Variants in RBSN observed in about 807,000 individuals in gnomAD.
RBSN encodes the protein rabenosyn-5.
Under a neutral mutation model 60.5 loss-of-function variants are expected in RBSN, and 34 were observed. The observed-to-expected ratio is 0.56, with a 90% CI of 0.43 to 0.75. The LOEUF (loss-of-function observed/expected upper bound fraction) is 0.75. Ranked by LOEUF, RBSN falls within the 30% of genes least tolerant of loss-of-function variation. The pLI is 0.00. For synonymous variants in RBSN, 322 were observed against 366.9 expected (o/e 0.88, Z 1.40); for missense variants, 845 against 986.8 (o/e 0.86, Z 1.92).
At chr3:15,079,421 AT>A (rs78482483) in intron 10 of RBSN, among the ~76,000 whole-genome samples, 8,049 of 152,332 alleles carry the variant, frequency 0.053, 253 homozygotes, top group East Asian at 0.13. Flanking sequence ...AAACCCAGCA[AT>A]TCCACTCCTA....
At chr3:15,078,439 C>T (rs1213686067) in intron 10 of RBSN, among the ~76,000 whole-genome samples, 1 of 152,160 alleles carries the variant, frequency 6.6e-6, no homozygotes, top group Non-Finnish European at 1.5e-5. Flanking sequence ...GCTGAATTTA[C>T]TCTGGCCTAC....
At chr3:15,088,906 C>T (rs2043417951) in intron 5 of RBSN, among the ~76,000 whole-genome samples, 1 of 152,076 alleles carries the variant, frequency 6.6e-6, no homozygotes, top group African/African-American at 2.4e-5. Context: ...TTTCCTTATT[C>T]AAAGAGACAC....
chr3:15,076,646 T>G (rs2043063020), intron 12 of RBSN, among the ~76,000 whole-genome samples: 1 of 152,172 alleles, frequency 6.6e-6, no homozygotes, highest in Middle Eastern at 3.2e-3. Flanking sequence ...GAAGAGTCTC[T>G]TAGGAGATTA....
rs2043277963 is a variant in RBSN at position 15,084,124 on chromosome 3, A to T, written c.598+611T>A. On this transcript the variant is annotated intron_variant, in intron 8 of 13. Coordinates refer to ENST00000253699, the MANE Select transcript of RBSN (RefSeq NM_022340.4). The surrounding 1 kb of genome is among the most constrained non-coding windows in gnomAD (Gnocchi z 4.2). Reference sequence around the variant, plus strand: ...TTCACATTGCTATTTTATTTTATTTATTTATTTTTTTGAGATGGGAGTCTC... The same window carrying T: ...TTCACATTGCTATTTTATTTTATTTTTTTATTTTTTTGAGATGGGAGTCTC... 6.6e-6 allele frequency among the ~76,000 whole-genome samples: 1 copy of T among 151,894 alleles called. No individual in the cohort carries two copies. The highest frequency in any genetic ancestry group is 1.5e-5 in the Non-Finnish European group (1 of 67,978).
chr3:15,081,821 T>C (rs1217727091), intron 9 of RBSN, among the ~76,000 whole-genome samples: 1 of 152,192 alleles, frequency 6.6e-6, no homozygotes, highest in Non-Finnish European at 1.5e-5. Context: ...CACTCCCAGA[T>C]ATTCTTTGCA....
intron 8 of RBSN, among the ~76,000 whole-genome samples, chr3:15,083,869 C>G (rs140561249): frequency 6.6e-6 from 1 of 152,132 alleles, no homozygotes; most frequent in African/African-American, 2.4e-5. Flanking sequence ...GCAGAGCAGA[C>G]AAAGAGTTGG....
Position 15,077,444 on chromosome 3 carries a change from A to G in RBSN, c.999-280T>C, listed in dbSNP as rs192535243. On this transcript the variant is annotated intron_variant, in intron 11 of 13. Coordinates refer to ENST00000253699, the MANE Select transcript of RBSN (RefSeq NM_022340.4). This position sits in a 1 kb window ranked among gnomAD's most constrained non-coding sequence, Gnocchi z 4.4. ...ACCTATGCAACTGGAAAGGACTGGC[A>G]CTTAAAAGAGCCCTGTGCTTGGTTT... is the stretch of plus-strand genomic sequence containing the variant. Among the ~76,000 whole-genome samples the G allele has an allele frequency of 2.0e-5, 3 of 152,344 alleles. No homozygotes were observed. In the East Asian group the frequency reaches 5.8e-4, roughly 29 times the overall value.
At chr3:15,091,600 C>T in intron 4 of RBSN, 7 of 733,390 alleles carry the variant, frequency 9.5e-6, no homozygotes, top group Non-Finnish European at 1.3e-5. Flanking sequence ...CTTGCAAATA[C>T]ATTATGCCAG....
chr3:15,090,563 C>A lies in RBSN; in HGVS notation c.149-24G>T, dbSNP rs371549509. On this transcript the variant is annotated intron_variant, in intron 4 of 13. Coordinates refer to ENST00000253699, the MANE Select transcript of RBSN (RefSeq NM_022340.4). ...ACCTTGAAAAATGGAACAAATAATA[C>A]AAATGAGCCATGAAGAACACCCAGT... 18 of 1,610,606 alleles carry A rather than the reference C, an allele frequency of 1.1e-5. No homozygotes were observed. The African/African-American group carries it at 2.4e-4, about 22-fold the overall frequency.
chr3:15,074,921 C>T lies in RBSN; in HGVS notation c.1216G>A (p.Glu406Lys), dbSNP rs2043016211. The stretch of plus-strand genomic sequence containing the variant: ...CTTTCCTCAAGCCTTCGCTGGGACT[C>T]CAGGGCAGCCTGGGGAGAGAGCAAA... ...KRAVERQAAL[E>K]SQRRLEERQS... is the part of the protein sequence containing the mutation. The change falls in exon 14 of 14, where the codon GAG becomes AAG. Residue 406 changes from glutamate (E) to lysine (K), a missense_variant. Physicochemically the swap from Glu to Lys is moderately conservative, Grantham distance 56 (BLOSUM62 1). Coordinates refer to ENST00000253699, the MANE Select transcript of RBSN (RefSeq NM_022340.4). The surrounding 1 kb of genome is among the most constrained non-coding windows in gnomAD (Gnocchi z 6.4). 6.2e-7 allele frequency: 1 copy of T among 1,609,022 alleles called. No homozygotes were observed. The highest frequency in any genetic ancestry group is 1.7e-5 in the Admixed American group (1 of 59,802).
chr3:15,083,929 T>A (rs1327156825), intron 8 of RBSN, among the ~76,000 whole-genome samples: 1 of 152,104 alleles, frequency 6.6e-6, no homozygotes, highest in African/African-American at 2.4e-5. Flanking sequence ...CATCTCTCTT[T>A]AGAAAGCAAT....
chr3:15,086,337 C>G (rs772196499), intron 5 of RBSN, among the ~76,000 whole-genome samples: 5 of 152,044 alleles, frequency 3.3e-5, no homozygotes, highest in Non-Finnish European at 7.4e-5. Flanking sequence ...ATTCAAAAAC[C>G]AGGAAAGCAA....
intron 13 of RBSN, 98 bp downstream of exon 13, chr3:15,075,508 T>C (rs2043030906): frequency 1.1e-6 from 1 of 933,346 alleles, no homozygotes. Flanking sequence ...AGAGAGGTTC[T>C]GATTCACTAC....
chr3:15,080,495 C>T (rs1465484807), intron 10 of RBSN, among the ~76,000 whole-genome samples: 1 of 152,144 alleles, frequency 6.6e-6, no homozygotes, highest in East Asian at 1.9e-4. Flanking sequence ...CCAAGGTCAA[C>T]TGAATGTGGC....
Position 15,075,686 on chromosome 3 carries a change from G to A in RBSN, c.1126C>T (p.Leu376=), listed in dbSNP as rs769968030. ...VQEKLLGLMS[L]PTKEQFEELK... is the part of the protein sequence containing the mutation. ...TCCTCAAACTGTTCTTTGGTTGGCA[G>A]TGACATCAAACCAAGCAACTTTTCC... The change falls in exon 13 of 14, where the codon CTG becomes TTG. Residue 376 remains leucine, a synonymous_variant. Transcript: ENST00000253699. The A allele has an allele frequency of 1.2e-6, 2 of 1,614,140 alleles. No homozygotes were observed. The highest frequency in any genetic ancestry group is 8.5e-7 in the Non-Finnish European group (1 of 1,180,038).
Position 15,077,082 on chromosome 3 carries a change from A to G in RBSN, c.1081T>C (p.Ser361Pro). Residue 361 changes from serine (S) to proline (P), a missense_variant, in exon 12 of 14, where the codon TCA becomes CCA. Coordinates refer to ENST00000253699, the MANE Select transcript of RBSN (RefSeq NM_022340.4). The surrounding 1 kb of genome is among the most constrained non-coding windows in gnomAD (Gnocchi z 4.4). The stretch of plus-strand genomic sequence containing the variant: ...TTTACCTGCACAAAAAGTGTAGCTG[A>G]GTATCTGATCATTCTCTGCAGCCGC... ...NLRLQRMIRYSATLFVQEKLL... is the reference protein window; with the variant it reads ...NLRLQRMIRYPATLFVQEKLL... The G allele has an allele frequency of 6.2e-7, 1 of 1,614,140 alleles. No individual in the cohort carries two copies. The highest frequency in any genetic ancestry group is 8.5e-7 in the Non-Finnish European group (1 of 1,179,992).
intron 10 of RBSN, among the ~76,000 whole-genome samples, chr3:15,080,148 G>A (rs1422098835): frequency 6.6e-6 from 1 of 151,978 alleles, no homozygotes; most frequent in Non-Finnish European, 1.5e-5. Flanking sequence ...GGGAGGCTGA[G>A]GCAGGAGAAT....
At position 15,096,066 on chromosome 3, in the gene RBSN, A is replaced by C; in HGVS notation, c.55T>G (p.Cys19Gly). Residue 19 changes from cysteine to glycine, a missense_variant, in exon 4 of 14, where the codon TGC becomes GGC. Coordinates refer to ENST00000253699, the MANE Select transcript of RBSN (RefSeq NM_022340.4). ...TAGAAAGACTGCAGATCCTTCAGGC[A>C]CAGAGGGCAGAGGAAGCCCTCCCTC... is the stretch of plus-strand genomic sequence containing the variant. The part of the protein sequence containing the change: ...EVREGFLCPL[C>G]LKDLQSFYQL... 1 of 1,613,322 alleles carries C rather than the reference A, an allele frequency of 6.2e-7. No homozygotes were observed. The highest frequency in any genetic ancestry group is 8.5e-7 in the Non-Finnish European group (1 of 1,179,490).
chr3:15,075,052 G>A lies in RBSN; in HGVS notation c.1207-122C>T, dbSNP rs539962522. 23 of 1,184,458 alleles carry A rather than the reference G, an allele frequency of 1.9e-5. No homozygotes were observed. The East Asian group carries it at 5.9e-4, about 30-fold the overall frequency. 73.4% of individuals were successfully genotyped at this position (1,184,458 alleles called of 1,614,324 possible). A position where few individuals can be genotyped will look rare whatever the true frequency, so the allele number is the denominator to read the frequency against. On this transcript the variant is annotated intron_variant, in intron 13 of 13. Coordinates refer to ENST00000253699, the MANE Select transcript of RBSN (RefSeq NM_022340.4). ...GTGACACTCCAATTTCTCACCTCAG[G>A]ACAAAGATATCCAACTGCTAAAATC...
Sources: gnomAD v4.1 joint callset for allele counts (sites outside exome capture counted in the v4.1 genomes callset) on GRCh38, gnomAD v4.1.1 for gene constraint, Gnocchi (gnomAD v3.1) non-coding constraint, MANE v1.5 for transcripts, NCBI Gene and HGNC (gene_info 2026-07-23, HGNC 2026-07-21) for gene names.